The following ERC2 variants were observed in gnomAD, a reference collection of about 807,000 sequenced individuals.
The protein encoded by ERC2 is ERC protein 2.
In ERC2, 42 loss-of-function variants were observed where a neutral mutation model predicts 114.8. The observed-to-expected ratio is 0.37, with a 90% CI of 0.29 to 0.47. The LOEUF is 0.47. Ranked by LOEUF, ERC2 falls within the 20% of genes least tolerant of loss-of-function variation. The probability of loss-of-function intolerance (pLI) is 0.99; values close to 1 mark genes in which losing one functional copy is unlikely to be tolerated. For missense variants in ERC2, 939 were observed against 1,150.7 expected (o/e 0.82, Z 2.66); for synonymous variants, 454 against 425.5 (o/e 1.07, Z -0.82).
chr3:56,128,693 C>T (rs1411934097), intron 6 of ERC2, among the ~76,000 whole-genome samples: 1 of 152,198 alleles, frequency 6.6e-6, no homozygotes, highest in African/African-American at 2.4e-5. Flanking sequence ...TGTGACCCCT[C>T]CTGATCATTT....
chr3:55,828,563 T>C (rs2060432578), intron 14 of ERC2, among the ~76,000 whole-genome samples: 1 of 151,490 alleles, frequency 6.6e-6, no homozygotes, highest in Non-Finnish European at 1.5e-5. Context: ...GAGGGCCCTG[T>C]GGGCTGCAGA....
chr3:56,267,596 C>A (rs1210966320), intron 3 of ERC2, among the ~76,000 whole-genome samples: 2 of 143,942 alleles, frequency 1.4e-5, no homozygotes, highest in Non-Finnish European at 1.5e-5. Flanking sequence ...ATGGTGAAAC[C>A]CCGTCTGTAC....
At chr3:56,364,703 G>A (rs1243287231) in intron 2 of ERC2, among the ~76,000 whole-genome samples, 2 of 152,222 alleles carry the variant, frequency 1.3e-5, no homozygotes, top group East Asian at 3.9e-4. Context: ...CATAAGAGAA[G>A]AATAATTGCC....
At chr3:55,553,761 CAG>C (rs748774238) in intron 17 of ERC2, among the ~76,000 whole-genome samples, 1 of 151,828 alleles carries the variant, frequency 6.6e-6, no homozygotes, top group Non-Finnish European at 1.5e-5. Context: ...GCCTGGGTGA[CAG>C]AGTGAGACTC....
chr3:56,430,885 T>A (rs57213873), intron 2 of ERC2, among the ~76,000 whole-genome samples: 5,986 of 152,234 alleles, frequency 0.039, 281 homozygotes, highest in African/African-American at 0.11. Flanking sequence ...GATCTTCCTA[T>A]AATACTAAAT....
chr3:56,398,650 G>T (rs186470234), intron 2 of ERC2, among the ~76,000 whole-genome samples: 24 of 151,832 alleles, frequency 1.6e-4, no homozygotes, highest in African/African-American at 5.3e-4. Flanking sequence ...TTAGAGACAG[G>T]CTCTCATTCT....
At chr3:55,775,823 G>A (rs982922694) in intron 14 of ERC2, among the ~76,000 whole-genome samples, 2 of 152,098 alleles carry the variant, frequency 1.3e-5, no homozygotes, top group Non-Finnish European at 2.9e-5. Context: ...TTTTCCCTGC[G>A]AACTTCTGCC....
intron 7 of ERC2, among the ~76,000 whole-genome samples, chr3:56,022,121 C>T (rs751914752): frequency 6.6e-6 from 1 of 152,066 alleles, no homozygotes; most frequent in Non-Finnish European, 1.5e-5. Flanking sequence ...AAACCATGGC[C>T]TATTATGCAA....
At chr3:55,699,782 C>G (rs1280665047) in intron 15 of ERC2, among the ~76,000 whole-genome samples, 4 of 152,168 alleles carry the variant, frequency 2.6e-5, no homozygotes, top group Non-Finnish European at 4.4e-5. Flanking sequence ...TGGACATACT[C>G]TAAGGTGCTT....
chr3:56,369,719 C>T (rs1460498619), intron 2 of ERC2, among the ~76,000 whole-genome samples: 1 of 151,904 alleles, frequency 6.6e-6, no homozygotes, highest in Non-Finnish European at 1.5e-5. Context: ...GCTCTTTTGC[C>T]AGGCTGGAGT....
At chr3:55,891,410 A>G (rs1295886693) in intron 13 of ERC2, among the ~76,000 whole-genome samples, 1 of 134,738 alleles carries the variant, frequency 7.4e-6, no homozygotes, top group Non-Finnish European at 1.6e-5. Flanking sequence ...AACCTGGCCT[A>G]TCTTCACTGG....
At chr3:56,353,134 A>G (rs144087650) in intron 2 of ERC2, among the ~76,000 whole-genome samples, 331 of 151,956 alleles carry the variant, frequency 2.2e-3, no homozygotes, top group African/African-American at 7.5e-3. Flanking sequence ...CACCACATCC[A>G]TTTTCATTTA....
At chr3:55,688,041 T>A (rs553432385) in intron 16 of ERC2, among the ~76,000 whole-genome samples, 3 of 152,212 alleles carry the variant, frequency 2.0e-5, no homozygotes, top group African/African-American at 7.2e-5. Context: ...GATGAATGTC[T>A]CTGTTCAGGT....
intron 13 of ERC2, among the ~76,000 whole-genome samples, chr3:55,927,756 T>C (rs2065833326): frequency 6.6e-6 from 1 of 152,154 alleles, no homozygotes; most frequent in East Asian, 1.9e-4. Flanking sequence ...CCAACCCCAG[T>C]ACCCTTCCCA....
At chr3:55,994,803 G>A (rs1410011199) in intron 10 of ERC2, among the ~76,000 whole-genome samples, 1 of 152,088 alleles carries the variant, frequency 6.6e-6, no homozygotes. Flanking sequence ...GAAATCAGAT[G>A]AATTCATAGT....
chr3:56,439,749 T>G (rs570878389), intron 1 of ERC2, among the ~76,000 whole-genome samples: 48 of 151,196 alleles, frequency 3.2e-4, no homozygotes, highest in South Asian at 8.4e-4. Flanking sequence ...TCCTTTATGG[T>G]TTTTTTTTGC....
At chr3:56,463,768 A>C (rs1048510097) in intron 1 of ERC2, among the ~76,000 whole-genome samples, 1 of 152,148 alleles carries the variant, frequency 6.6e-6, no homozygotes, top group Admixed American at 6.5e-5. Flanking sequence ...CCATTGCTCT[A>C]TCTGCATCTC....
intron 13 of ERC2, among the ~76,000 whole-genome samples, chr3:55,925,978 A>C (rs2065725021): frequency 3.3e-5 from 5 of 152,206 alleles, no homozygotes; most frequent in Admixed American, 3.3e-4. Flanking sequence ...TAGACACAGC[A>C]CTTTTAAACA....
chr3:55,638,154 C>T (rs1394058152), intron 17 of ERC2, among the ~76,000 whole-genome samples: 1 of 152,218 alleles, frequency 6.6e-6, no homozygotes, highest in Non-Finnish European at 1.5e-5. Flanking sequence ...TCTCTTTCCC[C>T]CTGACCATGT....
Sources: allele counts gnomAD v4.1 joint callset (sites outside exome capture counted in the v4.1 genomes callset), GRCh38; gene constraint gnomAD v4.1.1; transcripts MANE v1.5; gene names NCBI Gene and HGNC (gene_info 2026-07-23, HGNC 2026-07-21).